CBX1: variants seen among roughly 807,000 people sequenced by gnomAD.
CBX1 encodes the protein chromobox 1.
Under a neutral mutation model 25.1 loss-of-function variants are expected in CBX1, and 10 were observed. That is an observed-to-expected ratio of 0.40 (90% confidence interval 0.25 to 0.68). The LOEUF (loss-of-function observed/expected upper bound fraction) is 0.68, where lower values mean the gene tolerates loss of function less well. CBX1 is among the 30% of genes least tolerant of loss of function. CBX1 has a pLI of 0.40. For synonymous variants in CBX1, 63 were observed against 79.4 expected, an observed-to-expected ratio of 0.79 and a Z score of 1.10; for missense variants, 106 against 218.5, an observed-to-expected ratio of 0.49 and a Z score of 3.25.
intron 1 of CBX1, among the ~76,000 whole-genome samples, chr17:48,080,257 G>A (rs1296430937): frequency 1.3e-5 from 2 of 152,004 alleles, no homozygotes; most frequent in Non-Finnish European, 1.5e-5. Context: ...GGCTGGTCTC[G>A]AACTCCTGAC....
chr17:48,083,994 T>C (rs1161288258), intron 1 of CBX1, among the ~76,000 whole-genome samples: 3 of 150,218 alleles, frequency 2.0e-5, no homozygotes, highest in Non-Finnish European at 4.4e-5. Flanking sequence ...CTCATTTATT[T>C]AAAAAATTTT....
chr17:48,086,061 ACT>A (rs2063309697), intron 1 of CBX1, among the ~76,000 whole-genome samples: 3 of 152,230 alleles, frequency 2.0e-5, no homozygotes, highest in African/African-American at 7.2e-5. Flanking sequence ...ACACAGCGAG[ACT>A]CTGTCTCAAT....
chr17:48,073,824 C>CAAAAAAAAAGAAA (rs2037649202), intron 4 of CBX1, among the ~76,000 whole-genome samples: 1 of 82,500 alleles, frequency 1.2e-5, no homozygotes, highest in Non-Finnish European at 2.2e-5. Context: ...GAGACTGTCT[C>CAAAAAAAAAGAAA]AAAAAAAAAA....
chr17:48,073,545 G>A (rs1008623868), intron 4 of CBX1, among the ~76,000 whole-genome samples: 10 of 152,128 alleles, frequency 6.6e-5, no homozygotes, highest in African/African-American at 2.2e-4. Flanking sequence ...GCAGTGAGTC[G>A]GCCAGGTGCA....
intron 1 of CBX1, among the ~76,000 whole-genome samples, chr17:48,098,726 G>A (rs1403598823): frequency 6.6e-6 from 1 of 152,128 alleles, no homozygotes; most frequent in African/African-American, 2.4e-5. Context: ...CCATAAACTA[G>A]CAATTAGCCT....
intron 1 of CBX1, among the ~76,000 whole-genome samples, chr17:48,094,716 G>T (rs1034673202): frequency 6.9e-6 from 1 of 145,962 alleles, no homozygotes; most frequent in African/African-American, 2.5e-5. Flanking sequence ...CCTGGGTGAC[G>T]GACCAAGACT....
chr17:48,092,210 G>A (rs2063348131), intron 1 of CBX1, among the ~76,000 whole-genome samples: 1 of 150,562 alleles, frequency 6.6e-6, no homozygotes, highest in Non-Finnish European at 1.5e-5. Context: ...GGCTGGTCTC[G>A]AACTCCTGAC....
At position 48,082,608 on chromosome 17, in the gene CBX1, T is replaced by A. The variant is rs185295002; in HGVS notation, c.-37-5567A>T. Among the ~76,000 whole-genome samples, 864 of 146,622 alleles carry A rather than the reference T, an allele frequency of 5.9e-3. 78 individuals carry two copies. The highest frequency in any genetic ancestry group is 0.022 in the African/African-American group (828 of 38,046). The stretch of plus-strand genomic sequence containing the variant: ...CTGGAGTGCAGTGACGCAATATCAG[T>A]TCACTGCAACCTCCACCTCCCAGGT... On this transcript the variant is annotated intron_variant, in intron 1 of 4. Coordinates refer to ENST00000225603, the MANE Select transcript of CBX1 (RefSeq NM_001127228.2).
chr17:48,077,432 TGTTTTTTTTTTTGTTTTTTTTG>T (rs571762967), intron 1 of CBX1, among the ~76,000 whole-genome samples: 11,587 of 80,614 alleles, frequency 0.14, 714 homozygotes, highest in East Asian at 0.25. Context: ...TAATTTTTGT[TGTTTTTTTTTTTGTTTTTTTTG>T]TTTTTTTTTT....
chr17:48,086,184 G>A (rs1046038962), intron 1 of CBX1, among the ~76,000 whole-genome samples: 1 of 152,178 alleles, frequency 6.6e-6, no homozygotes, highest in African/African-American at 2.4e-5. Flanking sequence ...TCAATTTTAA[G>A]AGAAAGAGTA....
intron 1 of CBX1, among the ~76,000 whole-genome samples, chr17:48,099,030 AACTT>A (rs1225046630): frequency 3.3e-5 from 5 of 152,340 alleles, no homozygotes; most frequent in South Asian, 4.1e-4. Flanking sequence ...AGACCAGGGT[AACTT>A]ACTTACCACT....
intron 4 of CBX1, among the ~76,000 whole-genome samples, chr17:48,072,041 G>C (rs1452503970): frequency 4.0e-5 from 6 of 148,444 alleles, no homozygotes; most frequent in African/African-American, 1.2e-4. Context: ...CTGTTGCCCA[G>C]CCTGGAGTGC....
At chr17:48,092,748 A>G (rs1362605246) in intron 1 of CBX1, among the ~76,000 whole-genome samples, 1 of 151,880 alleles carries the variant, frequency 6.6e-6, no homozygotes, top group African/African-American at 2.4e-5. Flanking sequence ...CACCGCACCC[A>G]GCTGCGAGAC....
chr17:48,100,082 T>C lies in CBX1; in HGVS notation c.-38+1186A>G, dbSNP rs148335776. The stretch of plus-strand genomic sequence containing the variant: ...TGAATCCGGGAGGTGGAGGTTGCAG[T>C]GAGCCAAGATCGCACCACTGCACTC... On this transcript the variant is annotated intron_variant, in intron 1 of 4. Coordinates refer to ENST00000225603, the MANE Select transcript of CBX1 (RefSeq NM_001127228.2). 3.8e-3 allele frequency among the ~76,000 whole-genome samples: 511 copies of C among 133,196 alleles called. 3 individuals are homozygous for C. The highest frequency in any genetic ancestry group is 0.014 in the African/African-American group (490 of 35,356). The allele number at this position is 133,196 out of a possible 152,430, so 87.4% of individuals were successfully genotyped here.
chr17:48,085,814 C>T (rs2063308715), intron 1 of CBX1, among the ~76,000 whole-genome samples: 1 of 152,022 alleles, frequency 6.6e-6, no homozygotes, highest in African/African-American at 2.4e-5. Flanking sequence ...GCCTATAATC[C>T]CAGCACTCTG....
intron 1 of CBX1, among the ~76,000 whole-genome samples, chr17:48,092,470 T>C (rs1461110558): frequency 6.9e-6 from 1 of 144,594 alleles, no homozygotes; most frequent in African/African-American, 2.6e-5. Context: ...CTCTCTCTCT[T>C]TTTTTTTTTG....
intron 1 of CBX1, among the ~76,000 whole-genome samples, chr17:48,098,236 C>T (rs902861659): frequency 3.4e-5 from 5 of 147,092 alleles, no homozygotes; most frequent in Admixed American, 7.0e-5. Flanking sequence ...GGCAACAGAG[C>T]GACACTCTGT....
chr17:48,079,828 A>G (rs1015774385), intron 1 of CBX1, among the ~76,000 whole-genome samples: 1 of 152,184 alleles, frequency 6.6e-6, no homozygotes, highest in Admixed American at 6.6e-5. Flanking sequence ...AGTCATAAAA[A>G]TGCCAGAATG....
At chr17:48,096,465 T>C (rs1032766227) in intron 1 of CBX1, 5 of 762,172 alleles carry the variant, frequency 6.6e-6, no homozygotes, top group Non-Finnish European at 8.0e-6. Flanking sequence ...ATGACTACAT[T>C]GGAAACGTAT....
Sources: gnomAD v4.1 joint callset for allele counts (sites outside exome capture counted in the v4.1 genomes callset) on GRCh38, gnomAD v4.1.1 for gene constraint, MANE v1.5 for transcripts, NCBI Gene and HGNC (gene_info 2026-07-23, HGNC 2026-07-21) for gene names.